PRUNE2: variants seen among roughly 807,000 people sequenced by gnomAD.
PRUNE2 encodes the protein prune homolog 2 with BCH domain, also known as protein prune homolog 2.
A neutral mutation model predicts 252.0 loss-of-function variants in PRUNE2; 164 were observed. The ratio of observed to expected loss-of-function variants is 0.65; its 90% CI spans 0.57 to 0.74. PRUNE2 has a LOEUF of 0.74. PRUNE2 is among the 30% of genes least tolerant of loss of function. The pLI is 0.00. For missense variants in PRUNE2, 3,495 were observed against 3,711.0 expected (o/e 0.94, Z 1.51); for synonymous variants, 1,292 against 1,350.2 (o/e 0.96, Z 0.94).
At chr9:76,619,260 C>A in intron 18 of PRUNE2, 80 bp downstream of exon 18, 1 of 915,162 alleles carries the variant, frequency 1.1e-6, no homozygotes, top group South Asian at 1.4e-5. Context: ...TTTACCCAGT[C>A]CTCAGTGTGT....
chr9:76,905,656 G>A (rs2063448587), intron 1 of PRUNE2, among the ~76,000 whole-genome samples: 1 of 152,074 alleles, frequency 6.6e-6, no homozygotes. Context: ...GCTGATTTAG[G>A]GACCGAAGCT....
chr9:76,704,617 A>T, intron 8 of PRUNE2, 144 bp downstream of exon 8: 1 of 627,878 alleles, frequency 1.6e-6, no homozygotes, highest in South Asian at 2.1e-5. Flanking sequence ...TGCTGTTATA[A>T]TACAGGACTT....
chr9:76,625,039 A>G, intron 16 of PRUNE2: 1 of 1,303,552 alleles, frequency 7.7e-7, no homozygotes, highest in South Asian at 1.2e-5. Flanking sequence ...CTTCTCTTAT[A>G]AGATCTCTCT....
intron 1 of PRUNE2, among the ~76,000 whole-genome samples, chr9:76,904,750 T>A (rs72735058): frequency 0.1 from 15,377 of 152,278 alleles, 1,008 homozygotes; most frequent in East Asian, 0.25. Context: ...GAAAGTTTTA[T>A]ATAAGCACTT....
At chr9:76,810,535 C>T (rs1421800429) in intron 6 of PRUNE2, among the ~76,000 whole-genome samples, 2 of 152,142 alleles carry the variant, frequency 1.3e-5, no homozygotes, top group Admixed American at 6.5e-5. Context: ...TTCCTGTTTC[C>T]ACCACTAGGC....
intron 6 of PRUNE2, among the ~76,000 whole-genome samples, chr9:76,720,377 T>C (rs1207289956): frequency 2.6e-5 from 4 of 152,204 alleles, no homozygotes; most frequent in African/African-American, 4.8e-5. Flanking sequence ...CATGCCAAGG[T>C]AGTAAAGACC....
intron 5 of PRUNE2, 149 bp downstream of exon 5, chr9:76,826,430 GT>G: frequency 1.7e-6 from 1 of 571,930 alleles, no homozygotes. Context: ...CTGAGATCAT[GT>G]TACTGCACTC....
chr9:76,855,061 T>A (rs1181568079), intron 1 of PRUNE2, among the ~76,000 whole-genome samples: 4 of 71,700 alleles, frequency 5.6e-5, no homozygotes, highest in Admixed American at 1.7e-4. Flanking sequence ...CAAGACTCCA[T>A]CTCAAAAAAA....
chr9:76,787,882 C>G (rs2055162257), intron 6 of PRUNE2, among the ~76,000 whole-genome samples: 1 of 152,232 alleles, frequency 6.6e-6, no homozygotes, highest in African/African-American at 2.4e-5. Context: ...ACTTCCTCTC[C>G]TGTGACCGCA....
chr9:76,737,450 A>G (rs370046415), intron 6 of PRUNE2: 14 of 152,266 alleles, frequency 9.2e-5, no homozygotes, highest in African/African-American at 3.4e-4. Context: ...AAAATATTAC[A>G]GGTCCCGTAT....
intron 6 of PRUNE2, among the ~76,000 whole-genome samples, chr9:76,720,782 T>A (rs2047569525): frequency 6.6e-6 from 1 of 152,164 alleles, no homozygotes. Context: ...TTTAAGTGAT[T>A]TACATGTAAA....
chr9:76,890,690 GC>G (rs2062417552), intron 1 of PRUNE2, among the ~76,000 whole-genome samples: 1 of 152,104 alleles, frequency 6.6e-6, no homozygotes, highest in Non-Finnish European at 1.5e-5. Flanking sequence ...ATATACCGAA[GC>G]CTCCCAACAC....
In PRUNE2 at chr9:76,708,340, G is replaced by A. The variant is rs766765805; in HGVS notation, c.3934C>T (p.His1312Tyr). The part of the protein sequence containing the change: ...TRLENPGYFP[H>Y]PDPWKGHGDG... ...CCATGACCTTTCCATGGATCTGGGT[G>A]TGGAAAATACCCTGGATTCTCAAGC... The change falls in exon 8 of 19, where the codon CAC (histidine) becomes TAC (tyrosine). Residue 1312 changes from histidine to tyrosine, a missense_variant. His to Tyr is a moderately conservative substitution (Grantham distance 83). Transcript: ENST00000376718. 3 of 1,613,776 alleles carry A rather than the reference G, an allele frequency of 1.9e-6. No homozygotes were observed. Among genetic ancestry groups the A allele is most frequent in the African/African-American group, 1.3e-5 (1 of 74,998 alleles).
At chr9:76,829,205 A>G (rs934119955) in intron 4 of PRUNE2, among the ~76,000 whole-genome samples, 1 of 152,162 alleles carries the variant, frequency 6.6e-6, no homozygotes, top group African/African-American at 2.4e-5. Context: ...TTGGAAGCTA[A>G]GGTCCTGGAG....
intron 18 of PRUNE2, among the ~76,000 whole-genome samples, chr9:76,618,977 T>C (rs1830892171): frequency 2.0e-5 from 3 of 152,174 alleles, no homozygotes; most frequent in Non-Finnish European, 4.4e-5. Context: ...CACCAAAGTA[T>C]TAAATGGAAG....
intron 4 of PRUNE2, among the ~76,000 whole-genome samples, chr9:76,834,712 T>C (rs1380543302): frequency 1.3e-5 from 2 of 152,214 alleles, no homozygotes; most frequent in Middle Eastern, 3.2e-3. Context: ...GATATACTGA[T>C]AAAAGTATGA....
rs140661744 is a variant in PRUNE2 at position 76,794,325 on chromosome 9, C to T, written c.756+29307G>A. Among the ~76,000 whole-genome samples the T allele has an allele frequency of 6.6e-3, 1,000 of 152,216 alleles. 3 individuals carry two copies. The highest frequency in any genetic ancestry group is 0.011 in the Non-Finnish European group (749 of 68,010). On this transcript the variant is annotated intron_variant, in intron 6 of 18. Transcript: ENST00000376718. ...GAGGCAGTAAGGTGGTGGCAAAGAG[C>T]GCGGCCTCCGAGCGAGCGCGGTCGC...
chr9:76,744,432 T>A (rs944575395), intron 6 of PRUNE2, among the ~76,000 whole-genome samples: 6 of 151,838 alleles, frequency 4.0e-5, no homozygotes, highest in Non-Finnish European at 7.4e-5. Context: ...TAGATACAGG[T>A]TTTTCTACCC....
chr9:76,839,125 A>C (rs1221396933), intron 4 of PRUNE2, among the ~76,000 whole-genome samples: 3 of 152,216 alleles, frequency 2.0e-5, no homozygotes, highest in Non-Finnish European at 4.4e-5. Flanking sequence ...GAATGTTAGA[A>C]GGATGGACTG....
Sources: allele counts gnomAD v4.1 joint callset (sites outside exome capture counted in the v4.1 genomes callset), GRCh38; gene constraint gnomAD v4.1.1; transcripts MANE v1.5; gene names NCBI Gene and HGNC (gene_info 2026-07-23, HGNC 2026-07-21).